The following ZNF528 variants were observed in gnomAD, a reference collection of about 807,000 sequenced individuals.
ZNF528 encodes the protein zinc finger protein 528.
Under a neutral mutation model 13.3 loss-of-function variants are expected in ZNF528, and 9 were observed. That is an observed-to-expected ratio of 0.67 (90% CI 0.41 to 1.18). The LOEUF is 1.18. ZNF528 is among the 50% of genes most tolerant of loss of function. The pLI, the probability that ZNF528 is intolerant of heterozygous loss-of-function variation, is 0.01. For missense variants in ZNF528, 858 were observed against 745.4 expected, an observed-to-expected ratio of 1.15 and a Z score of -1.76; for synonymous variants, 264 against 254.3, an observed-to-expected ratio of 1.04 and a Z score of -0.36.
intron 5 of ZNF528, 46 bp downstream of exon 5, chr19:52,406,079 C>A (rs1202654817): frequency 6.3e-6 from 10 of 1,577,924 alleles, no homozygotes; most frequent in Non-Finnish European, 7.7e-6. Flanking sequence ...CCTGGTGGAT[C>A]TCTGAATTGT....
chr19:52,411,029 C>G (rs977307637), intron 6 of ZNF528, among the ~76,000 whole-genome samples: 1 of 152,210 alleles, frequency 6.6e-6, no homozygotes, highest in Admixed American at 6.5e-5. Context: ...TGCACTTTCT[C>G]TGGAGCAATT....
intron 2 of ZNF528, among the ~76,000 whole-genome samples, chr19:52,399,975 C>T (rs991685434): frequency 1.1e-4 from 16 of 152,022 alleles, no homozygotes; most frequent in African/African-American, 3.9e-4. Flanking sequence ...GTGGTTTTTT[C>T]CTGTCTCAAA....
chr19:52,414,937 A>G lies in ZNF528; in HGVS notation c.272-187A>G, dbSNP rs1223339713. ...TACCCATAATTCTCTCGACTCCTGC[A>G]GATTCCCCACTGCTCCAATGCATCA... is the stretch of plus-strand genomic sequence containing the variant. On this transcript the variant is annotated intron_variant, in intron 6 of 6. Transcript: ENST00000360465. 8 of 1,526,976 alleles carry G rather than the reference A, an allele frequency of 5.2e-6. No individual in the cohort carries two copies. In the South Asian group the frequency reaches 9.6e-5, roughly 18 times the overall value. 94.6% of individuals were successfully genotyped at this position (1,526,976 alleles called of 1,614,324 possible).
intron 6 of ZNF528, among the ~76,000 whole-genome samples, chr19:52,409,423 C>A (rs2058901835): frequency 6.6e-6 from 1 of 151,892 alleles, no homozygotes; most frequent in African/African-American, 2.4e-5. Flanking sequence ...CCTGCATCAG[C>A]CTCCCAGGTA....
At chr19:52,404,575 A>C (rs545544245) in intron 4 of ZNF528, among the ~76,000 whole-genome samples, 1 of 151,836 alleles carries the variant, frequency 6.6e-6, no homozygotes, top group African/African-American at 2.4e-5. Flanking sequence ...CACAGTTTTC[A>C]GATTTTGATC....
At chr19:52,414,529 C>T in intron 6 of ZNF528, 1 of 553,088 alleles carries the variant, frequency 1.8e-6, no homozygotes. Flanking sequence ...AGACTGCATT[C>T]TTTGAACAAT....
Position 52,416,348 on chromosome 19 carries a change from G to T in ZNF528, c.1496G>T (p.Gly499Val). 1.9e-6 allele frequency: 3 copies of T among 1,614,050 alleles called. No homozygotes were observed. Among genetic ancestry groups the T allele is most frequent in the Non-Finnish European group, 2.5e-6 (3 of 1,179,938 alleles). Residue 499 changes from glycine (G) to valine (V), a missense_variant, in exon 7 of 7, where the codon GGC (glycine) becomes GTC (valine). Gly to Val is a moderately radical substitution (Grantham distance 109). Coordinates refer to ENST00000360465, the MANE Select transcript of ZNF528 (RefSeq NM_032423.3). ...AAGCCTTACAAATGTAACAGATGTG[G>T]CAAGGTCTTCAGTCGCAGTTCAAAC... ...GEKPYKCNRC[G>V]KVFSRSSNLV...
rs185578327 is a variant in ZNF528 at position 52,407,503 on chromosome 19, C to T, written c.271+860C>T. Among the ~76,000 whole-genome samples the T allele has an allele frequency of 4.9e-3, 742 of 151,146 alleles. 14 individuals are homozygous for T. Among genetic ancestry groups the T allele is most frequent in the African/African-American group, 0.016 (650 of 41,304 alleles). ...AAGTTTTTATTCTTTTGGCTGGGCA[C>T]GGTGGCTCATCCCTGTAATCCCAGC... On this transcript the variant is annotated intron_variant, in intron 6 of 6. Transcript: ENST00000360465.
chr19:52,406,790 C>G lies in ZNF528; in HGVS notation c.271+147C>G, dbSNP rs552220980. 63 of 1,110,492 alleles carry G rather than the reference C, an allele frequency of 5.7e-5. No homozygotes were observed. In the African/African-American group the frequency reaches 6.0e-4, roughly 11 times the overall value. 68.8% of individuals were successfully genotyped at this position (1,110,492 alleles called of 1,614,324 possible). On this transcript the variant is annotated intron_variant, in intron 6 of 6. Transcript: ENST00000360465. ...GGACTTAAGGGATCTCCCTGGCTCG[C>G]TCTTCCAAAGTGTTGGGATTACAGC...
At chr19:52,410,167 G>A (rs2058912578) in intron 6 of ZNF528, among the ~76,000 whole-genome samples, 1 of 152,222 alleles carries the variant, frequency 6.6e-6, no homozygotes, top group South Asian at 2.1e-4. Flanking sequence ...GTTGTAAAGG[G>A]TGTGGGTGCC....
chr19:52,414,098 T>C (rs324108), intron 6 of ZNF528: 14,644 of 653,520 alleles, frequency 0.022, 496 homozygotes, highest in African/African-American at 0.12. Flanking sequence ...CGCAGTACTT[T>C]AGAGCACCGA....
At chr19:52,407,303 T>C (rs1370252789) in intron 6 of ZNF528, among the ~76,000 whole-genome samples, 1 of 152,120 alleles carries the variant, frequency 6.6e-6, no homozygotes, top group Non-Finnish European at 1.5e-5. Flanking sequence ...CATGCCTGGC[T>C]AATTTTTTGT....
Position 52,415,909 on chromosome 19 carries a change from T to C in ZNF528, c.1057T>C (p.Tyr353His), listed in dbSNP as rs146098312. 74 of 1,613,922 alleles carry C rather than the reference T, an allele frequency of 4.6e-5. No homozygotes were observed. Among genetic ancestry groups the C allele is most frequent in the Middle Eastern group, 1.6e-4 (1 of 6,082 alleles). Residue 353 changes from tyrosine to histidine, a missense_variant, in exon 7 of 7, where the codon TAC (tyrosine) becomes CAC (histidine). Tyr to His is a moderately conservative substitution (Grantham distance 83). Transcript: ENST00000360465. Reference sequence around the variant, plus strand: ...AACGGTTCATACTGGTGAGAAACCTTACAAATGTGAAGAATGTGGCAAAGC... The same window carrying C: ...AACGGTTCATACTGGTGAGAAACCTCACAAATGTGAAGAATGTGGCAAAGC... Reference protein sequence around the residue: ...HQTVHTGEKPYKCEECGKAFS... With the variant: ...HQTVHTGEKPHKCEECGKAFS...
intron 6 of ZNF528, chr19:52,411,847 TCTC>T (rs528770618): frequency 3.3e-5 from 5 of 152,198 alleles, no homozygotes; most frequent in Non-Finnish European, 7.3e-5. Flanking sequence ...ATGCTGTAAG[TCTC>T]CACCCCATAA....
At chr19:52,400,264 A>ACG (rs1491558672) in intron 2 of ZNF528, among the ~76,000 whole-genome samples, 1 of 145,938 alleles carries the variant, frequency 6.9e-6, no homozygotes, top group Non-Finnish European at 1.5e-5. Flanking sequence ...ACACACACAC[A>ACG]CGCCTTTATT....
intron 3 of ZNF528, 36 bp downstream of exon 3, chr19:52,401,789 A>G (rs747281811): frequency 6.0e-6 from 9 of 1,500,308 alleles, no homozygotes; most frequent in Non-Finnish European, 8.0e-6. Flanking sequence ...TTCCAAAATT[A>G]TTAACATCTG....
In ZNF528 at chr19:52,415,638, T is replaced by G. The variant is rs566055871; in HGVS notation, c.786T>G (p.Ile262Met). Residue 262 changes from isoleucine (I) to methionine (M), a missense_variant, in exon 7 of 7, where the codon ATT becomes ATG. Physicochemically the swap from Ile to Met is conservative, Grantham distance 10. Transcript: ENST00000360465. The stretch of plus-strand genomic sequence containing the variant: ...CAAACCTTTCACAACATCAAAGAAT[T>G]CATACTGGAGAGAAGCCTTACAAAT... The part of the protein sequence containing the change: ...SNSNLSQHQR[I>M]HTGEKPYKCH... 2 of 1,613,534 alleles carry G rather than the reference T, an allele frequency of 1.2e-6. No homozygotes were observed. Among genetic ancestry groups the G allele is most frequent in the Non-Finnish European group, 1.7e-6 (2 of 1,179,878 alleles).
rs1183783932 is a variant in ZNF528, at chr19:52,415,289, C to A, written c.437C>A (p.Ser146Ter). ...EKPVSDNSSV[S>*]PLEKISSSVK... ...CCCGTCAGTGACAATTCCTCAGTTT[C>A]ACCGCTTGAAAAAATTTCTTCCAGT... Residue 146 changes from serine to a stop codon, truncating the protein, a stop_gained, in exon 7 of 7, where the codon TCA becomes TAA. Transcript: ENST00000360465. LOFTEE classifies it low-confidence loss of function (END_TRUNC). 1 of 1,612,990 alleles carries A rather than the reference C, an allele frequency of 6.2e-7. No homozygotes were observed. Among genetic ancestry groups the A allele is most frequent in the African/African-American group, 1.3e-5 (1 of 74,854 alleles).
At chr19:52,400,227 AACACAC>A (rs56136198) in intron 2 of ZNF528, among the ~76,000 whole-genome samples, 3,663 of 144,632 alleles carry the variant, frequency 0.025, 68 homozygotes, top group Non-Finnish European at 0.035. Context: ...TGCCCATTAA[AACACAC>A]ACACACACAC....
Sources: gnomAD v4.1 joint callset for allele counts (sites outside exome capture counted in the v4.1 genomes callset) on GRCh38, gnomAD v4.1.1 for gene constraint, MANE v1.5 for transcripts, NCBI Gene and HGNC (gene_info 2026-07-23, HGNC 2026-07-21) for gene names.